MMD: variants seen among roughly 807,000 people sequenced by gnomAD.
MMD encodes the protein monocyte to macrophage differentiation factor.
A neutral mutation model predicts 33.6 loss-of-function variants in MMD; 22 were observed. That is an observed-to-expected ratio of 0.66 (90% CI 0.47 to 0.94). MMD has a LOEUF of 0.94. Ranked by LOEUF, MMD falls within the 40% of genes least tolerant of loss-of-function variation. The pLI is 0.00. For synonymous variants in MMD, 97 were observed against 103.2 expected (o/e 0.94, Z 0.36); for missense variants, 242 against 309.8 (o/e 0.78, Z 1.64).
Position 55,394,485 on chromosome 17 carries a change from C to A in MMD, c.566G>T (p.Cys189Phe), listed in dbSNP as rs1230641913. 6.5e-7 allele frequency: 1 copy of A among 1,538,446 alleles called. No homozygotes were observed. Among genetic ancestry groups the A allele is most frequent in the Non-Finnish European group, 8.7e-7 (1 of 1,146,908 alleles). Residue 189 changes from cysteine (C) to phenylalanine (F), a missense_variant, in exon 7 of 7, where the codon TGC (cysteine) becomes TTC (phenylalanine). Coordinates refer to ENST00000262065, the MANE Select transcript of MMD (RefSeq NM_012329.3). ...ACTCTTGAAGAACACAACTCCCAAG[C>A]AATAAATTAAGCCCCCACAGGCAAG... ...QELACGGLIY[C>F]LGVVFFKSDG...
chr17:55,402,087 C>CAAAAAAA (rs55724383), intron 5 of MMD, among the ~76,000 whole-genome samples: 4 of 92,040 alleles, frequency 4.3e-5, no homozygotes, highest in African/African-American at 1.7e-4. Context: ...GACTCAGTCT[C>CAAAAAAA]AAAAAAAAAA....
rs764609719 is a variant in MMD, at chr17:55,414,178, T to A, written c.81A>T (p.Glu27Asp). 6.2e-7 allele frequency: 1 copy of A among 1,613,940 alleles called. No individual in the cohort carries two copies. Among genetic ancestry groups the A allele is most frequent in the South Asian group, 1.1e-5 (1 of 91,078 alleles). The stretch of plus-strand genomic sequence containing the variant: ...CGTGTGTGTAACAGTTAGCAGCATG[T>A]TCATAGCAAGTTGGCTTGTAGCGGC... ...ANGRYKPTCY[E>D]HAANCYTHAF... Residue 27 changes from glutamate to aspartate, a missense_variant, in exon 2 of 7, where the codon GAA becomes GAT. Physicochemically the swap from Glu to Asp is conservative, Grantham distance 45. Coordinates refer to ENST00000262065, the MANE Select transcript of MMD (RefSeq NM_012329.3).
intron 3 of MMD, 47 bp downstream of exon 3, chr17:55,411,210 T>A: frequency 6.4e-7 from 1 of 1,573,240 alleles, no homozygotes; most frequent in Middle Eastern, 1.7e-4. Context: ...CCAAACACGT[T>A]GAGTCAACTA....
At chr17:55,418,263 T>C (rs1908047072) in intron 1 of MMD, among the ~76,000 whole-genome samples, 1 of 152,230 alleles carries the variant, frequency 6.6e-6, no homozygotes, top group East Asian at 1.9e-4. Context: ...TTTCATCTTT[T>C]CCCACTGTAG....
At chr17:55,400,342 G>A (rs1232766657) in intron 6 of MMD, among the ~76,000 whole-genome samples, 6 of 152,106 alleles carry the variant, frequency 3.9e-5, no homozygotes, top group Non-Finnish European at 7.4e-5. Flanking sequence ...GAGCTCAGGA[G>A]TTCAAGAACA....
chr17:55,395,255 T>G (rs1038084090), intron 6 of MMD, among the ~76,000 whole-genome samples: 1 of 152,214 alleles, frequency 6.6e-6, no homozygotes, highest in African/African-American at 2.4e-5. Context: ...CCAAGGCCCA[T>G]CTACAAGATT....
chr17:55,414,077 A>C (rs768377534), intron 2 of MMD, 74 bp downstream of exon 2: 58 of 1,376,592 alleles, frequency 4.2e-5, no homozygotes, highest in Non-Finnish European at 5.7e-5. Flanking sequence ...TGCTGAGGTT[A>C]CTAGAGATAA....
rs1907010719 is a variant in MMD, at chr17:55,394,006, A to G, written c.*328T>C. The stretch of plus-strand genomic sequence containing the variant: ...GTTTGTTATTGCACTGACTTTTACA[A>G]CCTGACATAGTAATTTAGAAAAATC... On this transcript the variant is annotated 3_prime_UTR_variant, in exon 7 of 7. Transcript: ENST00000262065. 1 of 172,946 alleles carries G rather than the reference A, an allele frequency of 5.8e-6. No homozygotes were observed. The highest frequency in any genetic ancestry group is 1.2e-5 in the Non-Finnish European group (1 of 82,146). The allele number at this position is 172,946 out of a possible 1,614,324, so 10.7% of individuals were successfully genotyped here.
intron 1 of MMD, among the ~76,000 whole-genome samples, chr17:55,418,383 C>G (rs1445639759): frequency 6.6e-6 from 1 of 152,162 alleles, no homozygotes; most frequent in Non-Finnish European, 1.5e-5. Context: ...AAAGACATTC[C>G]AGCTACTGCT....
At chr17:55,398,219 C>T (rs1907196572) in intron 6 of MMD, among the ~76,000 whole-genome samples, 2 of 151,192 alleles carry the variant, frequency 1.3e-5, no homozygotes. Flanking sequence ...ACTCTTTTCT[C>T]TCATGCTTCA....
intron 5 of MMD, among the ~76,000 whole-genome samples, chr17:55,402,087 C>CA (rs55724383): frequency 0.17 from 15,828 of 91,742 alleles, 1,237 homozygotes; most frequent in Non-Finnish European, 0.21. Flanking sequence ...GACTCAGTCT[C>CA]AAAAAAAAAA....
At chr17:55,398,974 C>T (rs191558939) in intron 6 of MMD, among the ~76,000 whole-genome samples, 1 of 152,316 alleles carries the variant, frequency 6.6e-6, no homozygotes, top group Admixed American at 6.5e-5. Flanking sequence ...ATCTGGACAA[C>T]GACTCACGGA....
At chr17:55,421,297 G>C (rs1598437737) in intron 1 of MMD, among the ~76,000 whole-genome samples, 1 of 152,228 alleles carries the variant, frequency 6.6e-6, no homozygotes, top group East Asian at 1.9e-4. Context: ...ACTCGGGGGC[G>C]GTGCCCGGGG....
intron 1 of MMD, among the ~76,000 whole-genome samples, chr17:55,417,635 A>C (rs530346581): frequency 2.2e-4 from 34 of 152,084 alleles, no homozygotes; most frequent in African/African-American, 5.1e-4. Context: ...TACACACAAA[A>C]AAAAATGTAA....
chr17:55,403,944 C>T, intron 4 of MMD, 76 bp from the exon 5 acceptor site: 1 of 1,150,386 alleles, frequency 8.7e-7, no homozygotes, highest in Non-Finnish European at 1.3e-6. Context: ...TCATTGAAAA[C>T]TGAGAAAGTC....
intron 6 of MMD, among the ~76,000 whole-genome samples, chr17:55,399,741 T>C (rs1907254938): frequency 6.6e-6 from 1 of 152,206 alleles, no homozygotes; most frequent in South Asian, 2.1e-4. Context: ...GATCTCTTTT[T>C]CTTTAATAGG....
At chr17:55,421,463 G>A (rs928992663) in intron 1 of MMD, among the ~76,000 whole-genome samples, 1 of 152,220 alleles carries the variant, frequency 6.6e-6, no homozygotes, top group African/African-American at 2.4e-5. Context: ...GGGGAGACCC[G>A]GGTGAGGCAG....
chr17:55,394,812 G>A (rs1907041232), intron 6 of MMD, among the ~76,000 whole-genome samples: 1 of 152,206 alleles, frequency 6.6e-6, no homozygotes, highest in African/African-American at 2.4e-5. Flanking sequence ...GCATATTTAA[G>A]CAAACTGCAA....
At chr17:55,421,362 G>A (rs1217601554) in intron 1 of MMD, among the ~76,000 whole-genome samples, 1 of 152,144 alleles carries the variant, frequency 6.6e-6, no homozygotes, top group Non-Finnish European at 1.5e-5. Flanking sequence ...GGGGTCGGGA[G>A]GGTGAGCCCC....
Sources: allele counts gnomAD v4.1 joint callset (sites outside exome capture counted in the v4.1 genomes callset), GRCh38; gene constraint gnomAD v4.1.1; transcripts MANE v1.5; gene names NCBI Gene and HGNC (gene_info 2026-07-23, HGNC 2026-07-21).